NRG3: variants seen among roughly 807,000 people sequenced by gnomAD.
The protein encoded by NRG3 is pro-neuregulin-3, membrane-bound isoform.
Under a neutral mutation model 66.9 loss-of-function variants are expected in NRG3, and 31 were observed. The ratio of observed to expected loss-of-function variants is 0.46; its 90% confidence interval spans 0.35 to 0.63. NRG3 has a LOEUF of 0.63. NRG3 is among the 20% of genes least tolerant of loss of function. The probability of loss-of-function intolerance (pLI) is 0.00; values close to 1 mark genes in which losing one functional copy is unlikely to be tolerated. For missense variants in NRG3, 910 were observed against 878.9 expected (o/e 1.04, Z -0.45); for synonymous variants, 393 against 359.4 (o/e 1.09, Z -1.06).
chr10:82,970,250 G>A (rs912960679), intron 6 of NRG3, among the ~76,000 whole-genome samples: 4 of 152,030 alleles, frequency 2.6e-5, no homozygotes, highest in Admixed American at 6.6e-5. Context: ...TTAGCACCAC[G>A]GCTACTTTTC....
chr10:82,909,292 G>A (rs936116766), intron 4 of NRG3, among the ~76,000 whole-genome samples: 8 of 152,158 alleles, frequency 5.3e-5, no homozygotes, highest in Non-Finnish European at 1.2e-4. Flanking sequence ...TTAACATAAT[G>A]AATCTTATGA....
At chr10:81,910,069 A>G (rs555180250) in intron 1 of NRG3, among the ~76,000 whole-genome samples, 1 of 152,344 alleles carries the variant, frequency 6.6e-6, no homozygotes, top group South Asian at 2.1e-4. Flanking sequence ...ATATTCAGAT[A>G]TAGTGGAGTA....
chr10:82,958,244 T>C (rs945308946), intron 5 of NRG3, among the ~76,000 whole-genome samples: 14 of 152,242 alleles, frequency 9.2e-5, no homozygotes, highest in Admixed American at 7.9e-4. Context: ...ACTGACTATG[T>C]GACGTCAAAC....
At chr10:82,917,825 C>T (rs1845990802) in intron 4 of NRG3, among the ~76,000 whole-genome samples, 2 of 151,970 alleles carry the variant, frequency 1.3e-5, no homozygotes, top group South Asian at 4.2e-4. Flanking sequence ...TTAACAGAAA[C>T]AATTCCTGCT....
chr10:82,525,991 A>C lies in NRG3; in HGVS notation c.953+167123A>C, dbSNP rs1846656211. The stretch of plus-strand genomic sequence containing the variant: ...AGACAGCCAGGAAGAAAGATCAGGG[A>C]AATTATCTGGAAATAAGATTGCAGA... On this transcript the variant is annotated intron_variant, in intron 2 of 8. Transcript: ENST00000372141. Among the ~76,000 whole-genome samples, 3 of 151,974 alleles carry C rather than the reference A, an allele frequency of 2.0e-5. No homozygotes were observed. In the South Asian group the frequency reaches 6.2e-4, roughly 31 times the overall value.
intron 1 of NRG3, among the ~76,000 whole-genome samples, chr10:82,132,403 A>G (rs1445000636): frequency 6.9e-6 from 1 of 145,418 alleles, no homozygotes; most frequent in Non-Finnish European, 1.5e-5. Flanking sequence ...GTCATGATGA[A>G]TGATTGTTTT....
At chr10:82,813,211 C>CTTTTT (rs58875697) in intron 3 of NRG3, among the ~76,000 whole-genome samples, 76 of 112,110 alleles carry the variant, frequency 6.8e-4, no homozygotes, top group South Asian at 1.2e-3. Context: ...CTCTGTTTCT[C>CTTTTT]TTTTTTTTTT....
At chr10:82,875,853 C>T (rs1841773501) in intron 4 of NRG3, among the ~76,000 whole-genome samples, 1 of 152,194 alleles carries the variant, frequency 6.6e-6, no homozygotes, top group Non-Finnish European at 1.5e-5. Context: ...TAGTCATTAA[C>T]ACATATTGGT....
chr10:82,312,948 A>C (rs1397456520), intron 1 of NRG3, among the ~76,000 whole-genome samples: 1 of 152,240 alleles, frequency 6.6e-6, no homozygotes. Context: ...AGGTCAAGGC[A>C]GACGGATCGC....
intron 1 of NRG3, among the ~76,000 whole-genome samples, chr10:82,245,226 A>G (rs1258337374): frequency 2.0e-5 from 3 of 152,114 alleles, no homozygotes; most frequent in Non-Finnish European, 4.4e-5. Flanking sequence ...GGGAGAGCAT[A>G]ACCTAGATCC....
At chr10:82,331,118 G>A (rs2082117087) in intron 1 of NRG3, among the ~76,000 whole-genome samples, 1 of 152,076 alleles carries the variant, frequency 6.6e-6, no homozygotes, top group Non-Finnish European at 1.5e-5. Flanking sequence ...ATGTAGACCT[G>A]GAAAAACACC....
At chr10:82,864,062 G>A (rs11817454) in intron 3 of NRG3, among the ~76,000 whole-genome samples, 569 of 152,212 alleles carry the variant, frequency 3.7e-3, no homozygotes, top group Non-Finnish European at 5.7e-3. Flanking sequence ...GATAAGGATA[G>A]AAAGTAGATT....
intron 2 of NRG3, among the ~76,000 whole-genome samples, chr10:82,474,031 C>T: frequency 6.6e-6 from 1 of 151,880 alleles, no homozygotes; most frequent in East Asian, 1.9e-4. Context: ...ATTCACAGGA[C>T]CAGGAATATA....
chr10:82,807,073 G>A (rs560546135), intron 3 of NRG3, among the ~76,000 whole-genome samples: 3 of 152,240 alleles, frequency 2.0e-5, no homozygotes, highest in South Asian at 2.1e-4. Context: ...AAATGTCCTG[G>A]GAGAAAGTCA....
At chr10:82,090,848 C>T (rs1447104219) in intron 1 of NRG3, among the ~76,000 whole-genome samples, 2 of 152,106 alleles carry the variant, frequency 1.3e-5, no homozygotes, top group African/African-American at 4.8e-5. Flanking sequence ...CTTAAGTATT[C>T]ATGAATTTTG....
At chr10:82,817,815 C>A (rs2061779098) in intron 3 of NRG3, among the ~76,000 whole-genome samples, 1 of 152,220 alleles carries the variant, frequency 6.6e-6, no homozygotes, top group African/African-American at 2.4e-5. Context: ...TACATGGTAG[C>A]TGCTGAATGC....
chr10:82,037,493 G>T (rs994465217), intron 1 of NRG3, among the ~76,000 whole-genome samples: 1 of 152,132 alleles, frequency 6.6e-6, no homozygotes, highest in African/African-American at 2.4e-5. Context: ...CTGATCCAAG[G>T]TAGGAAGAAA....
intron 2 of NRG3, among the ~76,000 whole-genome samples, chr10:82,517,135 T>A (rs1315512510): frequency 6.6e-6 from 1 of 152,204 alleles, no homozygotes; most frequent in Non-Finnish European, 1.5e-5. Flanking sequence ...CTGACAGATT[T>A]TTTTTTCAAC....
chr10:82,303,188 A>G (rs2080507171), intron 1 of NRG3, among the ~76,000 whole-genome samples: 3 of 152,158 alleles, frequency 2.0e-5, no homozygotes, highest in African/African-American at 7.2e-5. Context: ...CTTCCACCTC[A>G]AAGCCTGGGT....
Sources: allele counts gnomAD v4.1 joint callset (sites outside exome capture counted in the v4.1 genomes callset), GRCh38; gene constraint gnomAD v4.1.1; transcripts MANE v1.5; gene names NCBI Gene and HGNC (gene_info 2026-07-23, HGNC 2026-07-21).